The following KLF12 variants were observed in gnomAD, a reference collection of about 807,000 sequenced individuals.
KLF12 encodes Krueppel-like factor 12.
KLF12 carries 9 observed loss-of-function variants against 37.8 expected under a neutral mutation model. That is an observed-to-expected ratio of 0.24 (90% confidence interval 0.14 to 0.42). The LOEUF is 0.42. Ranked by LOEUF, KLF12 falls within the 10% of genes least tolerant of loss-of-function variation. The pLI is 1.00. For synonymous variants in KLF12, 208 were observed against 202.1 expected (o/e 1.03, Z -0.25); for missense variants, 411 against 516.0 (o/e 0.80, Z 1.97).
chr13:73,774,998 A>C (rs936099650), intron 5 of KLF12, among the ~76,000 whole-genome samples: 9 of 150,622 alleles, frequency 6.0e-5, no homozygotes, highest in Non-Finnish European at 1.3e-4. Flanking sequence ...GCTCACTGCA[A>C]CCTCTGCCTC....
intron 2 of KLF12, among the ~76,000 whole-genome samples, chr13:73,952,362 G>C (rs192174541): frequency 6.6e-6 from 1 of 152,138 alleles, no homozygotes; most frequent in Non-Finnish European, 1.5e-5. Flanking sequence ...TACATGGCTG[G>C]AGCAGAGGAA....
At chr13:74,234,438 TAAG>T in the KLF12 span, among the ~76,000 whole-genome samples, 3 of 152,214 alleles carry the variant, frequency 2.0e-5, no homozygotes, top group African/African-American at 7.2e-5. Flanking sequence ...AAAGCTTGGA[TAAG>T]AAGGACTACC....
rs12583728 is a variant in KLF12 at position 73,890,323 on chromosome 13, G to A, written c.124-43950C>T. Among the ~76,000 whole-genome samples, 209 of 152,102 alleles carry A rather than the reference G, an allele frequency of 1.4e-3. 1 individual carries two copies. The East Asian group carries it at 0.037, about 27-fold the overall frequency. ...TGAAAGTCAGCCTTAAAAAGTTTCT[G>A]TGTGTTTGTTTAAACTTTCTGACTA... is the stretch of plus-strand genomic sequence containing the variant. On this transcript the variant is annotated intron_variant, in intron 3 of 7. Transcript: ENST00000377669.
intron 4 of KLF12, among the ~76,000 whole-genome samples, chr13:73,824,983 C>T (rs944467299): frequency 2.0e-5 from 3 of 151,942 alleles, no homozygotes; most frequent in Non-Finnish European, 4.4e-5. Context: ...GTAGGAGAAT[C>T]GCTTGAACCC....
At chr13:74,204,983 T>C in the KLF12 span, among the ~76,000 whole-genome samples, 1 of 152,164 alleles carries the variant, frequency 6.6e-6, no homozygotes, top group Non-Finnish European at 1.5e-5. Context: ...CATATGCTGA[T>C]AGCAGAAAAT....
At chr13:73,777,977 C>T (rs143964137) in intron 5 of KLF12, among the ~76,000 whole-genome samples, 3 of 151,052 alleles carry the variant, frequency 2.0e-5, no homozygotes, top group African/African-American at 7.3e-5. Flanking sequence ...ACCAAGAATA[C>T]AAAACAATCA....
intron 7 of KLF12, among the ~76,000 whole-genome samples, chr13:73,708,823 T>G (rs933543812): frequency 1.3e-4 from 20 of 152,222 alleles, no homozygotes; most frequent in Admixed American, 1.3e-3. Flanking sequence ...ACCATATTAA[T>G]TTAAATGGCA....
intron 2 of KLF12, among the ~76,000 whole-genome samples, chr13:73,955,293 C>T (rs1890797576): frequency 6.6e-6 from 1 of 152,188 alleles, no homozygotes; most frequent in Non-Finnish European, 1.5e-5. Flanking sequence ...GCAGAAACCA[C>T]TAAGTTTTGT....
chr13:74,132,301 A>G (rs1878304849), intron 1 of KLF12, among the ~76,000 whole-genome samples: 1 of 152,216 alleles, frequency 6.6e-6, no homozygotes, highest in Admixed American at 6.5e-5. Context: ...TCTATCGTCC[A>G]GTAAGAAAAG....
At chr13:73,974,387 G>C (rs958051113) in intron 2 of KLF12, among the ~76,000 whole-genome samples, 2 of 151,504 alleles carry the variant, frequency 1.3e-5, no homozygotes, top group African/African-American at 4.9e-5. Flanking sequence ...AAGTCAAACT[G>C]GTCTCACCCT....
At chr13:73,838,225 T>C (rs1445062342) in intron 4 of KLF12, among the ~76,000 whole-genome samples, 1 of 152,148 alleles carries the variant, frequency 6.6e-6, no homozygotes. Context: ...ATAACCAGCA[T>C]GAGACTAAAA....
chr13:73,746,041 C>T (rs551301342), intron 6 of KLF12, among the ~76,000 whole-genome samples: 250 of 147,504 alleles, frequency 1.7e-3, no homozygotes, highest in Non-Finnish European at 2.7e-3. Context: ...TGGCACCTGG[C>T]TGGTAAAGAT....
the KLF12 span, among the ~76,000 whole-genome samples, chr13:74,147,606 C>T: frequency 6.6e-6 from 1 of 152,146 alleles, no homozygotes; most frequent in African/African-American, 2.4e-5. Flanking sequence ...ACTTACGTAC[C>T]GCCCAGAACT....
Position 73,687,567 on chromosome 13 carries a change from T to C in KLF12, c.*7923A>G, listed in dbSNP as rs1873567346. On this transcript the variant is annotated 3_prime_UTR_variant, in exon 8 of 8. Transcript: ENST00000377669. ...AGTAGGGCAAAAGCACTTTTTATGA[T>C]TTTTTTTTTTGCCATATCTTTGGAG... 1 of 142,394 alleles carries C rather than the reference T, an allele frequency of 7.0e-6. No homozygotes were observed. The highest frequency in any genetic ancestry group is 1.5e-5 in the Non-Finnish European group (1 of 64,984). The allele number at this position is 142,394 out of a possible 1,614,324, so 8.8% of individuals were successfully genotyped here.
the KLF12 span, among the ~76,000 whole-genome samples, chr13:74,150,419 C>G: frequency 5.9e-5 from 9 of 152,282 alleles, no homozygotes; most frequent in Non-Finnish European, 1.0e-4. Flanking sequence ...TTCGTTCATG[C>G]CTTTCATTCA....
chr13:74,071,001 C>T lies in KLF12; in HGVS notation c.-32+62738G>A, dbSNP rs548777153. ...AACACAAATATCAACAAAATATAAG[C>T]ATTACCAAATAGAACTCAAAACAAA... is the stretch of plus-strand genomic sequence containing the variant. On this transcript the variant is annotated intron_variant, in intron 1 of 7. Transcript: ENST00000377669. Among the ~76,000 whole-genome samples the T allele has an allele frequency of 3.9e-5, 6 of 152,272 alleles. No homozygotes were observed. The East Asian group carries it at 1.2e-3, about 29-fold the overall frequency.
the KLF12 span, among the ~76,000 whole-genome samples, chr13:74,208,389 A>T: frequency 6.6e-6 from 1 of 152,178 alleles, no homozygotes; most frequent in Non-Finnish European, 1.5e-5. Flanking sequence ...ATCTATCACT[A>T]ATTATGTGTA....
At position 73,687,413 on chromosome 13, in the gene KLF12, A is replaced by G. The variant is rs966090571; in HGVS notation, c.*8077T>C. ...GTGGACAGACACGTTGATAGGAAAGAGCCTTGAATATAGGCACCAGTGCCC... is the reference window on the plus strand; with the variant it reads ...GTGGACAGACACGTTGATAGGAAAGGGCCTTGAATATAGGCACCAGTGCCC... On this transcript the variant is annotated 3_prime_UTR_variant, in exon 8 of 8. Coordinates refer to ENST00000377669, the MANE Select transcript of KLF12 (RefSeq NM_007249.5). 2 of 152,512 alleles carry G rather than the reference A, an allele frequency of 1.3e-5. No individual in the cohort carries two copies. Among genetic ancestry groups the G allele is most frequent in the African/African-American group, 2.4e-5 (1 of 41,478 alleles). 9.4% of individuals were successfully genotyped at this position (152,512 alleles called of 1,614,324 possible).
At chr13:73,799,234 A>G (rs1882156242) in intron 5 of KLF12, among the ~76,000 whole-genome samples, 1 of 152,094 alleles carries the variant, frequency 6.6e-6, no homozygotes, top group Non-Finnish European at 1.5e-5. Flanking sequence ...ACAAAGAAGG[A>G]AGCAGACACT....
Sources: gnomAD v4.1 joint callset for allele counts (sites outside exome capture counted in the v4.1 genomes callset) on GRCh38, gnomAD v4.1.1 for gene constraint, MANE v1.5 for transcripts, NCBI Gene and HGNC (gene_info 2026-07-23, HGNC 2026-07-21) for gene names.